The following SV2C variants were observed in gnomAD, a reference collection of about 807,000 sequenced individuals.
The protein encoded by SV2C is synaptic vesicle glycoprotein 2C, also known as solute carrier family 22 member B3.
SV2C carries 49 observed loss-of-function variants against 79.7 expected under a neutral mutation model. That is an observed-to-expected ratio of 0.61 (90% CI 0.49 to 0.78). The LOEUF (loss-of-function observed/expected upper bound fraction) is 0.78. Ranked by LOEUF, SV2C falls within the 30% of genes least tolerant of loss-of-function variation. The pLI, the probability that SV2C is intolerant of heterozygous loss-of-function variation, is 0.00. For synonymous variants in SV2C, 334 were observed against 333.2 expected (o/e 1.00, Z -0.03); for missense variants, 833 against 912.9 (o/e 0.91, Z 1.13).
the SV2C span, among the ~76,000 whole-genome samples, chr5:75,913,906 A>G: frequency 6.6e-6 from 1 of 152,188 alleles, no homozygotes; most frequent in Non-Finnish European, 1.5e-5. Flanking sequence ...AAATATTTTT[A>G]TTGTGATAAA....
At chr5:76,090,431 G>C (rs932230024) in intron 1 of SV2C, among the ~76,000 whole-genome samples, 1 of 152,132 alleles carries the variant, frequency 6.6e-6, no homozygotes, top group Non-Finnish European at 1.5e-5. Flanking sequence ...GAGAACTTGT[G>C]ATTTTCCTGA....
chr5:76,231,278 T>G (rs1745410245), intron 4 of SV2C, among the ~76,000 whole-genome samples: 1 of 152,188 alleles, frequency 6.6e-6, no homozygotes, highest in South Asian at 2.1e-4. Flanking sequence ...GATTTATTAG[T>G]TAGTTTGATT....
chr5:76,285,416 G>A, intron 5 of SV2C, 121 bp downstream of exon 5: 1 of 1,410,272 alleles, frequency 7.1e-7, no homozygotes, highest in East Asian at 2.3e-5. Flanking sequence ...ATTATAGAAT[G>A]ATGGAGGGTT....
intron 12 of SV2C, among the ~76,000 whole-genome samples, chr5:76,318,097 A>G (rs2112555524): frequency 6.6e-6 from 1 of 152,306 alleles, no homozygotes; most frequent in East Asian, 1.9e-4. Flanking sequence ...GAATGGAGCC[A>G]GTAGTTTTCT....
chr5:76,277,713 A>C (rs1299121215), intron 4 of SV2C, among the ~76,000 whole-genome samples: 3 of 151,710 alleles, frequency 2.0e-5, no homozygotes, highest in Non-Finnish European at 2.9e-5. Context: ...TGCTGAGATC[A>C]CGCCACTGCA....
At chr5:76,285,381 T>C in intron 5 of SV2C, 86 bp downstream of exon 5, 1 of 1,545,582 alleles carries the variant, frequency 6.5e-7, no homozygotes, top group Non-Finnish European at 8.8e-7. Flanking sequence ...CATTTGCCTA[T>C]TTGAGAGGTA....
intron 4 of SV2C, among the ~76,000 whole-genome samples, chr5:76,220,659 A>G (rs920795592): frequency 4.6e-5 from 7 of 152,020 alleles, no homozygotes; most frequent in African/African-American, 1.5e-4. Context: ...TAGAAAGGAA[A>G]AGCCAAATTA....
the SV2C span, among the ~76,000 whole-genome samples, chr5:76,072,193 A>T: frequency 1.1e-4 from 16 of 152,242 alleles, no homozygotes; most frequent in Non-Finnish European, 2.1e-4. Context: ...ATTTAAAGCC[A>T]TGAGTTCCTT....
intron 1 of SV2C, among the ~76,000 whole-genome samples, chr5:76,119,697 C>T (rs1390088219): frequency 3.3e-5 from 5 of 151,272 alleles, no homozygotes; most frequent in Non-Finnish European, 7.4e-5. Flanking sequence ...AACTCAAAAC[C>T]CTATAGGGAA....
chr5:75,917,448 C>T, the SV2C span, among the ~76,000 whole-genome samples: 8 of 152,152 alleles, frequency 5.3e-5, no homozygotes, highest in African/African-American at 1.7e-4. Context: ...TAAATATTGA[C>T]CACAGAGCTT....
At chr5:75,914,451 C>T in the SV2C span, among the ~76,000 whole-genome samples, 1 of 151,970 alleles carries the variant, frequency 6.6e-6, no homozygotes, top group Non-Finnish European at 1.5e-5. Flanking sequence ...AATACAGCTC[C>T]ACAGGTGGGA....
At chr5:75,984,606 T>C in the SV2C span, among the ~76,000 whole-genome samples, 9 of 141,798 alleles carry the variant, frequency 6.3e-5, no homozygotes, top group Non-Finnish European at 9.4e-5. Context: ...TACCTATCTA[T>C]CTATCTATCT....
At chr5:76,352,400 T>C (rs1310422344) in intron 12 of SV2C, among the ~76,000 whole-genome samples, 1 of 152,196 alleles carries the variant, frequency 6.6e-6, no homozygotes, top group Non-Finnish European at 1.5e-5. Context: ...GTGGGACCTT[T>C]AAGAGGTAAT....
At chr5:76,162,498 C>A (rs781316889) in intron 2 of SV2C, among the ~76,000 whole-genome samples, 1 of 152,108 alleles carries the variant, frequency 6.6e-6, no homozygotes, top group Non-Finnish European at 1.5e-5. Flanking sequence ...GTTGGGTTAC[C>A]GATTAGCTTA....
chr5:76,075,630 T>G, the SV2C span: 1 of 240,760 alleles, frequency 4.2e-6, no homozygotes, highest in South Asian at 6.0e-5. Flanking sequence ...TGTGGTCCAG[T>G]GAGTGGCAGA....
chr5:76,095,025 C>T (rs150886461), intron 1 of SV2C, among the ~76,000 whole-genome samples: 15 of 151,804 alleles, frequency 9.9e-5, no homozygotes, highest in African/African-American at 1.7e-4. Flanking sequence ...CACCAAAAAG[C>T]CCAAGGTTAT....
chr5:75,984,567 A>ATCTATCTCTATCTATCTATC, the SV2C span, among the ~76,000 whole-genome samples: 15 of 102,922 alleles, frequency 1.5e-4, no homozygotes, highest in African/African-American at 4.3e-4. Flanking sequence ...CTATCTATCT[A>ATCTATCTCTATCTATCTATC]TATCTATCTA....
At chr5:76,323,235 C>G (rs1043051773) in intron 12 of SV2C, among the ~76,000 whole-genome samples, 7 of 152,136 alleles carry the variant, frequency 4.6e-5, no homozygotes, top group African/African-American at 1.7e-4. Context: ...AGGATATGAA[C>G]AGATACTTCT....
At chr5:76,007,641 TATTA>T in the SV2C span, among the ~76,000 whole-genome samples, 1 of 152,140 alleles carries the variant, frequency 6.6e-6, no homozygotes, top group Non-Finnish European at 1.5e-5. Flanking sequence ...TCTTCCCTTG[TATTA>T]ATTTATTTAG....
Sources: allele counts gnomAD v4.1 joint callset (sites outside exome capture counted in the v4.1 genomes callset), GRCh38; gene constraint gnomAD v4.1.1; transcripts MANE v1.5; gene names NCBI Gene and HGNC (gene_info 2026-07-23, HGNC 2026-07-21).